Variants in FHOD3 observed in about 807,000 individuals in gnomAD.
FHOD3 encodes the protein formin homology 2 domain containing 3.
Under a neutral mutation model 173.0 loss-of-function variants are expected in FHOD3, and 90 were observed. The ratio of observed to expected loss-of-function variants is 0.52; its 90% CI spans 0.44 to 0.62. FHOD3 has a LOEUF of 0.62. Among genes scored for constraint, FHOD3 ranks in the 20% least tolerant of loss-of-function variants. The pLI, the probability that FHOD3 is intolerant of heterozygous loss-of-function variation, is 0.00. For missense variants in FHOD3, 1,945 were observed against 2,034.7 expected (o/e 0.96, Z 0.85); for synonymous variants, 828 against 823.0 (o/e 1.01, Z -0.10).
At chr18:36,652,995 G>C (rs1174520006) in intron 12 of FHOD3, 66 bp downstream of exon 12, 6 of 1,456,238 alleles carry the variant, frequency 4.1e-6, no homozygotes, top group Non-Finnish European at 5.4e-6. Flanking sequence ...TGTGTTAACT[G>C]CACCCCTTGG....
At chr18:36,464,618 A>C (rs2052792088) in intron 3 of FHOD3, among the ~76,000 whole-genome samples, 2 of 152,172 alleles carry the variant, frequency 1.3e-5, no homozygotes, top group African/African-American at 2.4e-5. Flanking sequence ...CAATGTGATA[A>C]CTTACAGAAG....
At chr18:36,673,190 A>G (rs2037643771) in intron 14 of FHOD3, among the ~76,000 whole-genome samples, 1 of 152,150 alleles carries the variant, frequency 6.6e-6, no homozygotes, top group South Asian at 2.1e-4. Context: ...ATTCCAAACT[A>G]CCTAAGATGG....
intron 1 of FHOD3, among the ~76,000 whole-genome samples, chr18:36,306,525 T>C (rs988821323): frequency 1.3e-5 from 2 of 152,108 alleles, no homozygotes; most frequent in Admixed American, 6.5e-5. Context: ...GGCAACCAAC[T>C]TGTGTGACCA....
chr18:36,590,208 C>T (rs528583083), intron 6 of FHOD3, among the ~76,000 whole-genome samples: 23 of 151,660 alleles, frequency 1.5e-4, no homozygotes, highest in Non-Finnish European at 2.2e-4. Flanking sequence ...CTAACATAAG[C>T]GCAAGGGGCA....
chr18:36,663,395 C>T (rs530105720), intron 14 of FHOD3, among the ~76,000 whole-genome samples: 1 of 152,322 alleles, frequency 6.6e-6, no homozygotes, highest in East Asian at 1.9e-4. Flanking sequence ...CCCTGATCAG[C>T]CACGCTGACC....
At chr18:36,598,202 C>G (rs750835966) in intron 7 of FHOD3, among the ~76,000 whole-genome samples, 1 of 152,132 alleles carries the variant, frequency 6.6e-6, no homozygotes, top group Non-Finnish European at 1.5e-5. Flanking sequence ...TAGACTCATT[C>G]CTCAGCAGGG....
intron 6 of FHOD3, among the ~76,000 whole-genome samples, chr18:36,591,114 G>C (rs1157456584): frequency 6.6e-6 from 1 of 152,170 alleles, no homozygotes; most frequent in South Asian, 2.1e-4. Context: ...AGCCCTAAAC[G>C]TACAAAGCAC....
chr18:36,322,276 G>A (rs2044435577), intron 1 of FHOD3, among the ~76,000 whole-genome samples: 2 of 152,316 alleles, frequency 1.3e-5, no homozygotes, highest in South Asian at 2.1e-4. Context: ...GAGGCCTGGA[G>A]GTGGGCCTTT....
At chr18:36,485,413 G>A (rs1366487219) in intron 3 of FHOD3, among the ~76,000 whole-genome samples, 2 of 152,166 alleles carry the variant, frequency 1.3e-5, no homozygotes, top group Non-Finnish European at 2.9e-5. Context: ...AGTGAGCATG[G>A]TGTGCCAGCA....
rs114058576 is a variant in FHOD3, at chr18:36,359,563, T to C, written c.272+3918T>C. Among the ~76,000 whole-genome samples, 354 of 152,284 alleles carry C rather than the reference T, an allele frequency of 2.3e-3. 1 individual carries two copies. The highest frequency in any genetic ancestry group is 8.0e-3 in the African/African-American group (332 of 41,562). ...CCACTTTACCTCTGATAGGAGTTCATAAAATGAGGACACTTGTAACATTTA... is the reference window on the plus strand; with the variant it reads ...CCACTTTACCTCTGATAGGAGTTCACAAAATGAGGACACTTGTAACATTTA... On this transcript the variant is annotated intron_variant, in intron 2 of 28. Transcript: ENST00000590592.
At chr18:36,724,685 G>C (rs538675800) in intron 19 of FHOD3, among the ~76,000 whole-genome samples, 8 of 152,260 alleles carry the variant, frequency 5.3e-5, no homozygotes, top group African/African-American at 1.9e-4. Context: ...CATCTTGGCT[G>C]TGCACACCCC....
At chr18:36,511,523 C>T (rs2055650824) in intron 4 of FHOD3, among the ~76,000 whole-genome samples, 1 of 152,038 alleles carries the variant, frequency 6.6e-6, no homozygotes, top group African/African-American at 2.4e-5. Context: ...GGATTAAATC[C>T]ATCTGGGTAA....
chr18:36,380,873 C>G (rs1428563288), intron 3 of FHOD3, among the ~76,000 whole-genome samples: 1 of 152,118 alleles, frequency 6.6e-6, no homozygotes, highest in Non-Finnish European at 1.5e-5. Flanking sequence ...TTCTTTCCCA[C>G]CTACAGGTTC....
At chr18:36,472,285 C>T (rs760229308) in intron 3 of FHOD3, among the ~76,000 whole-genome samples, 3 of 152,184 alleles carry the variant, frequency 2.0e-5, no homozygotes, top group African/African-American at 7.2e-5. Context: ...ACCTCTCTCT[C>T]ACAATAGTCC....
intron 6 of FHOD3, among the ~76,000 whole-genome samples, chr18:36,586,593 A>T (rs1199932243): frequency 6.6e-6 from 1 of 151,320 alleles, no homozygotes; most frequent in Non-Finnish European, 1.5e-5. Context: ...GCTTCAAGTG[A>T]TTCTCCTGCC....
chr18:36,387,503 C>T (rs2048088675), intron 3 of FHOD3, among the ~76,000 whole-genome samples: 1 of 152,134 alleles, frequency 6.6e-6, no homozygotes, highest in Non-Finnish European at 1.5e-5. Context: ...TTCCTCCTGA[C>T]TCAAAATAAC....
rs780117707 is a variant in FHOD3, at chr18:36,649,365, G to A, written c.1246G>A (p.Glu416Lys). The part of the protein sequence containing the change: ...EQPITEPSSE[E>K]EREDDASCQG... ...GCCAATCACGGAGCCCAGTTCCGAAGAAGAGAGAGAGGATGATGCTTCCTG... is the reference window on the plus strand; with the variant it reads ...GCCAATCACGGAGCCCAGTTCCGAAAAAGAGAGAGAGGATGATGCTTCCTG... Residue 416 changes from glutamate (E) to lysine (K), a missense_variant, in exon 11 of 29, where the codon GAA becomes AAA. This residue lies in a region of FHOD3 where 1,099 missense variants were observed against 1,051.2 expected (regional missense o/e 1.05). Coordinates refer to ENST00000590592, the MANE Select transcript of FHOD3 (RefSeq NM_001281740.3). 1 of 1,535,856 alleles carries A rather than the reference G, an allele frequency of 6.5e-7. No individual in the cohort carries two copies. The highest frequency in any genetic ancestry group is 8.7e-7 in the Non-Finnish European group (1 of 1,146,742).
intron 1 of FHOD3, among the ~76,000 whole-genome samples, chr18:36,327,508 C>T (rs2044734534): frequency 6.6e-6 from 1 of 152,222 alleles, no homozygotes; most frequent in African/African-American, 2.4e-5. Flanking sequence ...AGTGACTCTG[C>T]AAGGTGGTTG....
At chr18:36,438,390 C>T (rs1381398919) in intron 3 of FHOD3, among the ~76,000 whole-genome samples, 2 of 152,112 alleles carry the variant, frequency 1.3e-5, no homozygotes, top group Non-Finnish European at 2.9e-5. Flanking sequence ...AGGGCATTCA[C>T]CATCAGTCGT....
Sources: allele counts gnomAD v4.1 joint callset (sites outside exome capture counted in the v4.1 genomes callset), GRCh38; gene constraint gnomAD v4.1.1; regional missense constraint gnomAD v4.1.1; transcripts MANE v1.5; gene names NCBI Gene and HGNC (gene_info 2026-07-23, HGNC 2026-07-21).